Variants in USP37 observed in about 807,000 individuals in gnomAD.
The protein encoded by USP37 is ubiquitin specific peptidase 37.
Under a neutral mutation model 124.0 loss-of-function variants are expected in USP37, and 27 were observed. The ratio of observed to expected loss-of-function variants is 0.22; its 90% confidence interval spans 0.16 to 0.30. The LOEUF is 0.30. USP37 is among the 10% of genes least tolerant of loss of function. The pLI is 1.00. For missense variants in USP37, 889 were observed against 1,140.4 expected, an observed-to-expected ratio of 0.78 and a Z score of 3.17; for synonymous variants, 365 against 388.0, an observed-to-expected ratio of 0.94 and a Z score of 0.70.
At position 218,474,757 on chromosome 2, in the gene USP37, CAG is replaced by C. The variant is rs766406693; in HGVS notation, c.2170_2171del (p.Leu724GlufsTer3). 2.5e-6 allele frequency: 4 copies of C among 1,614,138 alleles called. No individual in the cohort carries two copies. The highest frequency in any genetic ancestry group is 3.4e-6 in the Non-Finnish European group (4 of 1,180,020). ...TTGGCTTATCATCATCTTCATGACT[CAG>C]AGATGGTGAAGCATCTCTCTTACTT... ...EISKRDASPS[L>X]SHEDDDKPTS... On this transcript the variant is annotated frameshift_variant, in exon 20 of 26. Transcript: ENST00000258399. LOFTEE classifies it high-confidence loss of function.
At chr2:218,512,274 A>G (rs113059974) in intron 10 of USP37, among the ~76,000 whole-genome samples, 103 of 152,160 alleles carry the variant, frequency 6.8e-4, no homozygotes, top group Non-Finnish European at 1.4e-3. Context: ...TGGGAGGCCA[A>G]CGGAGGCGCA....
chr2:218,504,475 G>A (rs867207911), intron 11 of USP37, among the ~76,000 whole-genome samples: 1 of 152,112 alleles, frequency 6.6e-6, no homozygotes, highest in South Asian at 2.1e-4. Context: ...ACTTAGGCTG[G>A]AGCACAGTGG....
chr2:218,539,452 C>T (rs1338111658), intron 8 of USP37, among the ~76,000 whole-genome samples: 4 of 151,766 alleles, frequency 2.6e-5, no homozygotes, highest in African/African-American at 9.7e-5. Flanking sequence ...CAGTGGCTCA[C>T]ACCCGTAATC....
intron 8 of USP37, among the ~76,000 whole-genome samples, chr2:218,535,592 C>T (rs2106030692): frequency 6.6e-6 from 1 of 151,788 alleles, no homozygotes; most frequent in East Asian, 1.9e-4. Context: ...TGCAGTGGCT[C>T]ACACCTGTAA....
chr2:218,509,897 C>CTAAAATATTCTTTTAAATGTTCTTTTA, intron 11 of USP37, 82 bp downstream of exon 11: 1 of 1,292,506 alleles, frequency 7.7e-7, no homozygotes, highest in Non-Finnish European at 1.0e-6. Flanking sequence ...TAATGTGACT[C>CTAAAATATTCTTTTAAATGTTCTTTTA]CTTTAATTAC....
In USP37 at chr2:218,463,343, A is replaced by T. The variant is rs770033476; in HGVS notation, c.2490T>A (p.Asp830Glu). 3 of 1,614,042 alleles carry T rather than the reference A, an allele frequency of 1.9e-6. No homozygotes were observed. The South Asian group carries it at 3.3e-5, about 18-fold the overall frequency. Residue 830 changes from aspartate (D) to glutamate (E), a missense_variant, in exon 22 of 26, where the codon GAT becomes GAA. Coordinates refer to ENST00000258399, the MANE Select transcript of USP37 (RefSeq NM_020935.3). Reference sequence around the variant, plus strand: ...ACTCGGTAGCTCTTTTGAGGTCATCATCTTCTTTCTGTTCCCAAGCCTCCT... The same window carrying T: ...ACTCGGTAGCTCTTTTGAGGTCATCTTCTTCTTTCTGTTCCCAAGCCTCCT... ...QEQEAWEQKEDDDLKRATELS... is the reference protein window; with the variant it reads ...QEQEAWEQKEEDDLKRATELS...
intron 2 of USP37, among the ~76,000 whole-genome samples, chr2:218,561,222 C>T: frequency 6.6e-6 from 1 of 152,238 alleles, no homozygotes; most frequent in Admixed American, 6.5e-5. Context: ...CTTTTTTCCA[C>T]TCCGCCACTC....
intron 4 of USP37, among the ~76,000 whole-genome samples, chr2:218,556,966 C>T (rs1348771413): frequency 6.6e-6 from 1 of 152,142 alleles, no homozygotes; most frequent in East Asian, 1.9e-4. Flanking sequence ...AGGCTCAAGC[C>T]ATCTTCCCAC....
intron 10 of USP37, among the ~76,000 whole-genome samples, chr2:218,511,773 C>G (rs1034767824): frequency 6.9e-6 from 1 of 145,458 alleles, no homozygotes; most frequent in African/African-American, 2.5e-5. Context: ...AATTTTTATA[C>G]TGGGAAATTT....
At chr2:218,557,544 A>T (rs931095418) in intron 4 of USP37, among the ~76,000 whole-genome samples, 1 of 151,634 alleles carries the variant, frequency 6.6e-6, no homozygotes, top group Non-Finnish European at 1.5e-5. Context: ...AATTTTACCT[A>T]AGATCAGGTT....
intron 4 of USP37, among the ~76,000 whole-genome samples, chr2:218,554,769 G>A (rs1369733901): frequency 1.3e-5 from 2 of 150,048 alleles, no homozygotes; most frequent in Non-Finnish European, 1.5e-5. Context: ...AAAAATTGGA[G>A]TAGAATCTTT....
intron 20 of USP37, among the ~76,000 whole-genome samples, chr2:218,467,881 T>G (rs1026574741): frequency 4.0e-5 from 6 of 150,186 alleles, no homozygotes; most frequent in African/African-American, 1.5e-4. Flanking sequence ...TAACATTTCA[T>G]GTTTTTTTTG....
At chr2:218,493,972 A>T (rs1688938205) in intron 14 of USP37, among the ~76,000 whole-genome samples, 1 of 152,234 alleles carries the variant, frequency 6.6e-6, no homozygotes, top group Admixed American at 6.5e-5. Context: ...GACTTGCACA[A>T]ATTTTGTCTG....
At chr2:218,496,919 G>A (rs564713138) in intron 13 of USP37, among the ~76,000 whole-genome samples, 1 of 152,104 alleles carries the variant, frequency 6.6e-6, no homozygotes, top group Admixed American at 6.6e-5. Context: ...TCAAAGTGCT[G>A]GGATTACAGG....
At chr2:218,530,474 T>C (rs1691263648) in intron 9 of USP37, among the ~76,000 whole-genome samples, 1 of 152,226 alleles carries the variant, frequency 6.6e-6, no homozygotes, top group African/African-American at 2.4e-5. Flanking sequence ...ACTCAATTTA[T>C]CTGACTGCTC....
intron 10 of USP37, among the ~76,000 whole-genome samples, chr2:218,511,585 C>CA (rs778255777): frequency 3.3e-5 from 5 of 151,826 alleles, no homozygotes; most frequent in African/African-American, 4.8e-5. Context: ...GCTAGGATTA[C>CA]AGGCGTGAGC....
At chr2:218,475,614 G>A (rs1477303432) in intron 19 of USP37, among the ~76,000 whole-genome samples, 1 of 152,168 alleles carries the variant, frequency 6.6e-6, no homozygotes, top group African/African-American at 2.4e-5. Context: ...GCACGCACCT[G>A]TAGTCCCAGC....
rs533053073 is a variant in USP37 at position 218,548,300 on chromosome 2, G to A, written c.430-1209C>T. Among the ~76,000 whole-genome samples the A allele has an allele frequency of 5.0e-4, 76 of 152,050 alleles. No individual in the cohort carries two copies. In the South Asian group the frequency reaches 7.1e-3, roughly 14 times the overall value. ...TGTCCACTGTTTTGCAACTTTTTCA[G>A]AATTTTGAATATTATCCCATCCCAT... On this transcript the variant is annotated intron_variant, in intron 6 of 25. Coordinates refer to ENST00000258399, the MANE Select transcript of USP37 (RefSeq NM_020935.3).
At chr2:218,488,238 A>G (rs952791740) in intron 15 of USP37, 66 bp downstream of exon 15, 8 of 1,092,618 alleles carry the variant, frequency 7.3e-6, no homozygotes, top group African/African-American at 3.2e-5. Flanking sequence ...CCAACTTCAA[A>G]TATTCAAATA....
Sources: allele counts gnomAD v4.1 joint callset (sites outside exome capture counted in the v4.1 genomes callset), GRCh38; gene constraint gnomAD v4.1.1; transcripts MANE v1.5; gene names NCBI Gene and HGNC (gene_info 2026-07-23, HGNC 2026-07-21).